Variants in REST observed in about 807,000 individuals in gnomAD.
REST encodes the protein RE1 silencing transcription factor.
A neutral mutation model predicts 30.4 loss-of-function variants in REST; 1 was observed. The observed-to-expected ratio is 0.03, with a 90% confidence interval of 0.01 to 0.16. REST has a LOEUF of 0.16. REST is among the 10% of genes least tolerant of loss of function. REST has a pLI of 1.00. For missense variants in REST, 1,259 were observed against 1,329.5 expected (o/e 0.95, Z 0.82); for synonymous variants, 504 against 451.1 (o/e 1.12, Z -1.49).
chr4:56,932,034 A>C lies in REST; in HGVS notation c.3176A>C (p.Asp1059Ala). The C allele has an allele frequency of 6.2e-7, 1 of 1,614,196 alleles. No individual in the cohort carries two copies. The highest frequency in any genetic ancestry group is 8.5e-7 in the Non-Finnish European group (1 of 1,180,040). ...TTGGCAGTCAAAGCGGCTAAGGGAGATTTTGTTTGTATCTTCTGTGATCGT... is the reference window on the plus strand; with the variant it reads ...TTGGCAGTCAAAGCGGCTAAGGGAGCTTTTGTTTGTATCTTCTGTGATCGT... ...EALAVKAAKG[D>A]FVCIFCDRSF... The change falls in exon 4 of 4, where the codon GAT becomes GCT. Residue 1059 changes from aspartate to alanine, a missense_variant. By Grantham distance (126) the Asp-to-Ala change is moderately radical. This residue lies in a region of REST where 4 missense variants were observed against 16.5 expected (regional missense o/e 0.24). Coordinates refer to ENST00000309042, the MANE Select transcript of REST (RefSeq NM_005612.5).
intron 2 of REST, among the ~76,000 whole-genome samples, chr4:56,912,783 A>G (rs1719992713): frequency 6.7e-6 from 1 of 149,672 alleles, no homozygotes; most frequent in Non-Finnish European, 1.5e-5. Context: ...GAATGCTGGG[A>G]TTACAGGCGT....
At position 56,910,870 on chromosome 4, in the gene REST, C is replaced by G. The variant is rs142504829; in HGVS notation, c.232C>G (p.Pro78Ala). Residue 78 changes from proline (P) to alanine (A), a missense_variant, in exon 2 of 4, where the codon CCG (proline) becomes GCG (alanine). Around this residue, in one of 5 missense-constraint regions of REST, gnomAD observed 249 missense variants for 251.5 expected, o/e 0.99. Coordinates refer to ENST00000309042, the MANE Select transcript of REST (RefSeq NM_005612.5). ...AGAAAGACAGATGGCAGAACTGATG[C>G]CGGTTGGGGATAACAACTTTTCAGA... ...GEERQMAELM[P>A]VGDNNFSDSE... 1 of 1,613,928 alleles carries G rather than the reference C, an allele frequency of 6.2e-7. No homozygotes were observed. The highest frequency in any genetic ancestry group is 8.5e-7 in the Non-Finnish European group (1 of 1,179,990).
At chr4:56,915,753 C>G (rs528098778) in intron 2 of REST, among the ~76,000 whole-genome samples, 140 of 152,266 alleles carry the variant, frequency 9.2e-4, no homozygotes, top group Middle Eastern at 6.8e-3. Context: ...TTTCCACTTG[C>G]ATTAGTAAGT....
chr4:56,910,897 A>T lies in REST; in HGVS notation c.259A>T (p.Ser87Cys). The change falls in exon 2 of 4, where the codon AGT becomes TGT. Residue 87 changes from serine (S) to cysteine (C), a missense_variant. By Grantham distance (112) the Ser-to-Cys change is moderately radical. Transcript: ENST00000309042. Reference protein sequence around the residue: ...MPVGDNNFSDSEEGEGLEESA... With the variant: ...MPVGDNNFSDCEEGEGLEESA... ...GGTTGGGGATAACAACTTTTCAGAT[A>T]GTGAAGAAGGAGAAGGACTTGAAGA... The T allele has an allele frequency of 6.2e-7, 1 of 1,614,240 alleles. No individual in the cohort carries two copies. The highest frequency in any genetic ancestry group is 8.5e-7 in the Non-Finnish European group (1 of 1,180,046).
intron 2 of REST, 60 bp downstream of exon 2, chr4:56,911,596 T>G: frequency 7.2e-7 from 1 of 1,396,238 alleles, no homozygotes; most frequent in Non-Finnish European, 9.9e-7. Flanking sequence ...ACTTGAGTGG[T>G]TAGTTAAGTA....
rs962307950 is a variant in REST at position 56,927,010 on chromosome 4, C to T, written c.983-2831C>T. ...ACTAGGGAAGGTGAGGCAGGAGAATCGCTTGAACCTGGGAGGCGGGGGTTG... is the reference window on the plus strand; with the variant it reads ...ACTAGGGAAGGTGAGGCAGGAGAATTGCTTGAACCTGGGAGGCGGGGGTTG... On this transcript the variant is annotated intron_variant, in intron 3 of 3. Coordinates refer to ENST00000309042, the MANE Select transcript of REST (RefSeq NM_005612.5). Among the ~76,000 whole-genome samples, 8 of 151,718 alleles carry T rather than the reference C, an allele frequency of 5.3e-5. 1 individual carries two copies. The highest frequency in any genetic ancestry group is 4.6e-4 in the Admixed American group (7 of 15,210).
In REST at chr4:56,929,947, C is replaced by T; in HGVS notation, c.1089C>T (p.Cys363=). The T allele has an allele frequency of 6.2e-7, 1 of 1,614,094 alleles. No individual in the cohort carries two copies. The highest frequency in any genetic ancestry group is 1.6e-4 in the Middle Eastern group (1 of 6,062). The change falls in exon 4 of 4, where the codon TGC becomes TGT. Residue 363 remains cysteine, a synonymous_variant. Coordinates refer to ENST00000309042, the MANE Select transcript of REST (RefSeq NM_005612.5). The part of the protein sequence containing the change: ...QVHNGPKPLN[C]PHCDYKTADR... ...ACAATGGGCCTAAACCTCTTAATTG[C>T]CCACACTGTGATTACAAAACAGCAG...
At chr4:56,929,701 A>C (rs1325366863) in intron 3 of REST, 140 bp from the exon 4 acceptor site, 1 of 638,966 alleles carries the variant, frequency 1.6e-6, no homozygotes, top group East Asian at 3.0e-5. Context: ...ATGTTATACA[A>C]ATAAATATGG....
Position 56,911,366 on chromosome 4 carries a change from A to G in REST, c.728A>G (p.Asp243Gly), listed in dbSNP as rs1406655944. The G allele has an allele frequency of 1.2e-6, 2 of 1,614,214 alleles. No individual in the cohort carries two copies. Among genetic ancestry groups the G allele is most frequent in the Admixed American group, 3.3e-5 (2 of 60,012 alleles). ...AHLKHHTRAG[D>G]NERVYKCIIC... ...CTGAAACACCACACCAGAGCTGGGG[A>G]TAATGAGCGAGTCTACAAGTGTATC... Residue 243 changes from aspartate (D) to glycine (G), a missense_variant, in exon 2 of 4, where the codon GAT becomes GGT. Around this residue, in one of 5 missense-constraint regions of REST, gnomAD observed 125 missense variants for 255.4 expected, o/e 0.49. Transcript: ENST00000309042.
chr4:56,925,706 T>TC (rs1469146366), intron 3 of REST, among the ~76,000 whole-genome samples: 1 of 152,150 alleles, frequency 6.6e-6, no homozygotes, highest in Non-Finnish European at 1.5e-5. Context: ...AAGTTAATAT[T>TC]CAGGTAGGTA....
At position 56,931,981 on chromosome 4, in the gene REST, A is replaced by G; in HGVS notation, c.3123A>G (p.Glu1041=). The part of the protein sequence containing the change: ...GLHGARPVPQ[E]SSRKNAKEAL... ...ATGGGGCTCGGCCAGTTCCACAAGAATCTAGCAGAAAAAATGCAAAGGAAG... is the reference window on the plus strand; with the variant it reads ...ATGGGGCTCGGCCAGTTCCACAAGAGTCTAGCAGAAAAAATGCAAAGGAAG... The change falls in exon 4 of 4, where the codon GAA becomes GAG. Residue 1041 remains glutamate, a synonymous_variant. Transcript: ENST00000309042. 3 of 1,614,192 alleles carry G rather than the reference A, an allele frequency of 1.9e-6. No individual in the cohort carries two copies. The highest frequency in any genetic ancestry group is 2.5e-6 in the Non-Finnish European group (3 of 1,180,032).
At chr4:56,913,692 A>G (rs2109530763) in intron 2 of REST, among the ~76,000 whole-genome samples, 1 of 152,270 alleles carries the variant, frequency 6.6e-6, no homozygotes, top group East Asian at 1.9e-4. Flanking sequence ...TCTGTGCCCC[A>G]GGCTGGAGTG....
Position 56,934,239 on chromosome 4 carries a change from G to A in REST, c.*2087G>A, listed in dbSNP as rs1721074220. ...TAATGACTAGTTTTAATGTTCATGGGTACATTTTACCTAAGTTACCGTTTA... is the reference window on the plus strand; with the variant it reads ...TAATGACTAGTTTTAATGTTCATGGATACATTTTACCTAAGTTACCGTTTA... On this transcript the variant is annotated 3_prime_UTR_variant, in exon 4 of 4. Coordinates refer to ENST00000309042, the MANE Select transcript of REST (RefSeq NM_005612.5). 1 of 152,108 alleles carries A rather than the reference G, an allele frequency of 6.6e-6. No homozygotes were observed. Among genetic ancestry groups the A allele is most frequent in the Admixed American group, 6.6e-5 (1 of 15,260 alleles). The allele number at this position is 152,108 out of a possible 1,614,324, so 9.4% of individuals were successfully genotyped here. A position where few individuals can be genotyped will look rare whatever the true frequency, so the allele number is the denominator to read the frequency against.
Position 56,910,990 on chromosome 4 carries a change from G to A in REST, c.352G>A (p.Val118Ile), listed in dbSNP as rs940245420. The change falls in exon 2 of 4, where the codon GTC (valine) becomes ATC (isoleucine). Residue 118 changes from valine to isoleucine, a missense_variant. Physicochemically the swap from Val to Ile is conservative, Grantham distance 29. Around this residue, in one of 5 missense-constraint regions of REST, gnomAD observed 249 missense variants for 251.5 expected, o/e 0.99. Coordinates refer to ENST00000309042, the MANE Select transcript of REST (RefSeq NM_005612.5). ...NMELRSLELS[V>I]VEPQPVFEAS... Reference sequence around the variant, plus strand: ...GGAACTGAGAAGTTTGGAACTCAGCGTCGTAGAACCTCAGCCTGTATTTGA... The same window carrying A: ...GGAACTGAGAAGTTTGGAACTCAGCATCGTAGAACCTCAGCCTGTATTTGA... 1.4e-5 allele frequency: 23 copies of A among 1,614,054 alleles called. No individual in the cohort carries two copies. Among genetic ancestry groups the A allele is most frequent in the Non-Finnish European group, 1.6e-5 (19 of 1,180,044 alleles).
In REST at chr4:56,929,951, C is replaced by T; in HGVS notation, c.1093C>T (p.His365Tyr). Residue 365 changes from histidine (H) to tyrosine (Y), a missense_variant, in exon 4 of 4, where the codon CAC (histidine) becomes TAC (tyrosine). Transcript: ENST00000309042. The part of the protein sequence containing the change: ...HNGPKPLNCP[H>Y]CDYKTADRSN... ...TGGGCCTAAACCTCTTAATTGCCCA[C>T]ACTGTGATTACAAAACAGCAGATAG... 2 of 1,614,158 alleles carry T rather than the reference C, an allele frequency of 1.2e-6. No individual in the cohort carries two copies. The highest frequency in any genetic ancestry group is 1.7e-6 in the Non-Finnish European group (2 of 1,180,034).
At chr4:56,921,701 C>T (rs140964666) in intron 3 of REST, among the ~76,000 whole-genome samples, 63 of 152,280 alleles carry the variant, frequency 4.1e-4, no homozygotes, top group African/African-American at 1.4e-3. Context: ...TGAGCCACCG[C>T]GCCCGGCCAC....
chr4:56,908,102 C>A lies in REST; in HGVS notation c.-121C>A. ...CTTGGTCCACGACGGCCCCAGCACC[C>A]AACTTTACCACCCTCCCCCACCTCT... On this transcript the variant is annotated 5_prime_UTR_variant, in exon 1 of 4. Coordinates refer to ENST00000309042, the MANE Select transcript of REST (RefSeq NM_005612.5). 3.1e-6 allele frequency: 1 copy of A among 319,818 alleles called. No homozygotes were observed. The highest frequency in any genetic ancestry group is 5.7e-6 in the Non-Finnish European group (1 of 174,338). The allele number at this position is 319,818 out of a possible 1,614,324, so 19.8% of individuals were successfully genotyped here.
At chr4:56,920,766 G>C (rs1021535765) in intron 3 of REST, among the ~76,000 whole-genome samples, 9 of 152,272 alleles carry the variant, frequency 5.9e-5, no homozygotes, top group Admixed American at 4.6e-4. Flanking sequence ...TATTGTCAAA[G>C]TATTCAAGTG....
chr4:56,911,875 C>T (rs1013713928), intron 2 of REST, among the ~76,000 whole-genome samples: 1 of 152,172 alleles, frequency 6.6e-6, no homozygotes, highest in Non-Finnish European at 1.5e-5. Flanking sequence ...GTAATCCCAG[C>T]ACCTCGGGAG....
Sources: gnomAD v4.1 joint callset for allele counts (sites outside exome capture counted in the v4.1 genomes callset) on GRCh38, gnomAD v4.1.1 for gene constraint, gnomAD v4.1.1 regional missense constraint, MANE v1.5 for transcripts, NCBI Gene and HGNC (gene_info 2026-07-23, HGNC 2026-07-21) for gene names.